Variants in CACNA2D3 observed in about 807,000 individuals in gnomAD.
CACNA2D3 encodes the protein voltage-dependent calcium channel subunit alpha-2/delta-3.
CACNA2D3 carries 60 observed loss-of-function variants against 160.6 expected under a neutral mutation model. That is an observed-to-expected ratio of 0.37 (90% confidence interval 0.30 to 0.46). The LOEUF is 0.46. Among genes scored for constraint, CACNA2D3 ranks in the 20% least tolerant of loss-of-function variants. CACNA2D3 has a pLI of 1.00. For missense variants in CACNA2D3, 1,205 were observed against 1,365.0 expected (o/e 0.88, Z 1.85); for synonymous variants, 558 against 492.9 (o/e 1.13, Z -1.75).
chr3:54,653,253 C>T (rs2106867939), intron 11 of CACNA2D3, among the ~76,000 whole-genome samples: 1 of 152,230 alleles, frequency 6.6e-6, no homozygotes, highest in East Asian at 1.9e-4. Context: ...GGTAGTAGAC[C>T]TTTTCACTTC....
At chr3:54,195,381 C>T (rs371816672) in intron 2 of CACNA2D3, among the ~76,000 whole-genome samples, 1 of 152,216 alleles carries the variant, frequency 6.6e-6, no homozygotes, top group East Asian at 1.9e-4. Flanking sequence ...CTTTCCTTTA[C>T]ACCTGGCTAC....
intron 2 of CACNA2D3, among the ~76,000 whole-genome samples, chr3:54,170,598 C>G (rs951319699): frequency 6.6e-6 from 1 of 152,148 alleles, no homozygotes; most frequent in Admixed American, 6.5e-5. Context: ...GCCAAGAAAT[C>G]TCCCTTCCTC....
intron 2 of CACNA2D3, among the ~76,000 whole-genome samples, chr3:54,306,263 A>G (rs1237436675): frequency 1.5e-4 from 23 of 152,014 alleles, no homozygotes; most frequent in Admixed American, 1.2e-3. Flanking sequence ...ATTTCCTTAT[A>G]TTTTCCTAAA....
intron 4 of CACNA2D3, among the ~76,000 whole-genome samples, chr3:54,474,821 T>C (rs2106883095): frequency 6.6e-6 from 1 of 152,264 alleles, no homozygotes; most frequent in South Asian, 2.1e-4. Flanking sequence ...TTCTCGGATA[T>C]ACACTCTGCT....
At chr3:54,877,636 TTTG>T (rs1661245251) in intron 18 of CACNA2D3, among the ~76,000 whole-genome samples, 1 of 152,116 alleles carries the variant, frequency 6.6e-6, no homozygotes, top group Non-Finnish European at 1.5e-5. Context: ...ATAACCTGTT[TTTG>T]TTATGATTTA....
chr3:55,028,231 A>G (rs965699965), intron 35 of CACNA2D3, among the ~76,000 whole-genome samples: 1 of 152,216 alleles, frequency 6.6e-6, no homozygotes, highest in Non-Finnish European at 1.5e-5. Flanking sequence ...GTATGTCTAT[A>G]GCATAGACAG....
rs145375790 is a variant in CACNA2D3, at chr3:54,613,238, AG to A, written c.964-14547del. Among the ~76,000 whole-genome samples the A allele has an allele frequency of 1.8e-4, 27 of 152,342 alleles. No individual in the cohort carries two copies. The East Asian group carries it at 5.0e-3, about 28-fold the overall frequency. On this transcript the variant is annotated intron_variant, in intron 9 of 37. Coordinates refer to ENST00000474759, the MANE Select transcript of CACNA2D3 (RefSeq NM_018398.3). ...GAAAAATGACTTGGATAATTTAACA[AG>A]GTATATCTTTGATCTTCCAACAGTG...
chr3:54,355,349 GC>G (rs1698630909), intron 3 of CACNA2D3, among the ~76,000 whole-genome samples: 1 of 152,258 alleles, frequency 6.6e-6, no homozygotes, highest in East Asian at 1.9e-4. Flanking sequence ...GGGCACTCCG[GC>G]TGCTGTATAG....
chr3:54,857,723 G>A (rs1186136939), intron 17 of CACNA2D3, among the ~76,000 whole-genome samples: 1 of 152,182 alleles, frequency 6.6e-6, no homozygotes, highest in African/African-American at 2.4e-5. Context: ...GCAGGCTGAT[G>A]TGTCTCTGCA....
chr3:54,455,716 T>A (rs1700386465), intron 4 of CACNA2D3, among the ~76,000 whole-genome samples: 1 of 152,152 alleles, frequency 6.6e-6, no homozygotes, highest in African/African-American at 2.4e-5. Context: ...TTTTAAGATT[T>A]AAGTCTTTAA....
chr3:55,025,669 T>A (rs1332010798), intron 35 of CACNA2D3, among the ~76,000 whole-genome samples: 2 of 146,598 alleles, frequency 1.4e-5, no homozygotes, highest in Admixed American at 6.8e-5. Context: ...GCATAGTTGA[T>A]GCTGAAGAGA....
intron 29 of CACNA2D3, among the ~76,000 whole-genome samples, chr3:54,976,448 A>G (rs1575417696): frequency 6.6e-6 from 1 of 152,068 alleles, no homozygotes; most frequent in East Asian, 1.9e-4. Context: ...TAACCTGCAC[A>G]TTGTGCACAT....
intron 27 of CACNA2D3, among the ~76,000 whole-genome samples, chr3:54,954,043 A>T (rs1183716213): frequency 2.0e-5 from 3 of 152,232 alleles, no homozygotes; most frequent in Non-Finnish European, 4.4e-5. Context: ...AGTCTTCATT[A>T]TCCTAGTAGG....
intron 11 of CACNA2D3, among the ~76,000 whole-genome samples, chr3:54,714,134 C>T (rs1006233823): frequency 6.6e-6 from 1 of 151,872 alleles, no homozygotes; most frequent in Non-Finnish European, 1.5e-5. Context: ...TTGTTTTCAT[C>T]CCACAGCAGG....
At position 54,232,916 on chromosome 3, in the gene CACNA2D3, G is replaced by C. The variant is rs147789438; in HGVS notation, c.205-87526G>C. ...GGGTGCTGGCTGTCTGCAAAATGCT[G>C]TACTGTCATGATTAGTTTAACCCAT... On this transcript the variant is annotated intron_variant, in intron 2 of 37. Coordinates refer to ENST00000474759, the MANE Select transcript of CACNA2D3 (RefSeq NM_018398.3). Among the ~76,000 whole-genome samples the C allele has an allele frequency of 2.3e-4, 35 of 152,308 alleles. No individual in the cohort carries two copies. The East Asian group carries it at 6.0e-3, about 26-fold the overall frequency.
At chr3:54,333,606 C>G (rs539469553) in intron 3 of CACNA2D3, among the ~76,000 whole-genome samples, 6 of 152,158 alleles carry the variant, frequency 3.9e-5, no homozygotes, top group African/African-American at 1.2e-4. Flanking sequence ...TACAGCCCAC[C>G]GAGAGTGAAG....
chr3:54,836,359 C>T lies in CACNA2D3; in HGVS notation c.1399-800C>T, dbSNP rs543818894. On this transcript the variant is annotated intron_variant, in intron 14 of 37. Coordinates refer to ENST00000474759, the MANE Select transcript of CACNA2D3 (RefSeq NM_018398.3). ...ACACCATTCTCCTGCCTCAGCCTCC[C>T]GAGTAGCTGGGACTACAGGCACCTG... 7.2e-5 allele frequency among the ~76,000 whole-genome samples: 11 copies of T among 151,920 alleles called. No homozygotes were observed. The East Asian group carries it at 7.8e-4, about 11-fold the overall frequency.
chr3:54,846,838 G>A (rs1698943406), intron 17 of CACNA2D3, among the ~76,000 whole-genome samples: 1 of 152,114 alleles, frequency 6.6e-6, no homozygotes, highest in South Asian at 2.1e-4. Flanking sequence ...CCCACTTACT[G>A]CAAGTCTAAT....
intron 2 of CACNA2D3, among the ~76,000 whole-genome samples, chr3:54,270,759 A>T (rs1054986872): frequency 1.3e-5 from 2 of 152,200 alleles, no homozygotes; most frequent in Non-Finnish European, 2.9e-5. Context: ...CCTTGCAGCT[A>T]TAGGACTGAG....
Sources: allele counts gnomAD v4.1 joint callset (sites outside exome capture counted in the v4.1 genomes callset), GRCh38; gene constraint gnomAD v4.1.1; transcripts MANE v1.5; gene names NCBI Gene and HGNC (gene_info 2026-07-23, HGNC 2026-07-21).